Variants in CERS6 observed in about 807,000 individuals in gnomAD.
CERS6 encodes LAG1 homolog, ceramide synthase 6.
Under a neutral mutation model 56.8 loss-of-function variants are expected in CERS6, and 26 were observed. The ratio of observed to expected loss-of-function variants is 0.46; its 90% CI spans 0.34 to 0.63. The LOEUF (loss-of-function observed/expected upper bound fraction) is 0.63. CERS6 is among the 30% of genes least tolerant of loss of function. The probability of loss-of-function intolerance (pLI) is 0.01; values close to 1 mark genes in which losing one functional copy is unlikely to be tolerated. For synonymous variants in CERS6, 164 were observed against 173.3 expected (o/e 0.95, Z 0.42); for missense variants, 415 against 467.5 (o/e 0.89, Z 1.04).
At chr2:168,724,587 A>G (rs1170414897) in intron 8 of CERS6, among the ~76,000 whole-genome samples, 1 of 152,086 alleles carries the variant, frequency 6.6e-6, no homozygotes, top group Non-Finnish European at 1.5e-5. Context: ...AGCTAGATAC[A>G]GAGTGCCGAT....
chr2:168,733,678 G>C (rs1246870237), intron 8 of CERS6, among the ~76,000 whole-genome samples: 1 of 152,198 alleles, frequency 6.6e-6, no homozygotes, highest in Non-Finnish European at 1.5e-5. Flanking sequence ...ACAGGAGGAA[G>C]ACTGAATAGG....
intron 1 of CERS6, among the ~76,000 whole-genome samples, chr2:168,488,696 T>C (rs777411428): frequency 6.6e-6 from 1 of 152,150 alleles, no homozygotes; most frequent in Non-Finnish European, 1.5e-5. Flanking sequence ...CCATATTAGC[T>C]ATTTTGCTAT....
chr2:168,766,253 G>C, intron 9 of CERS6: 1 of 1,474,274 alleles, frequency 6.8e-7, no homozygotes, highest in Non-Finnish European at 9.4e-7. Context: ...GTAGAGCAGA[G>C]ACTTTTCCAG....
chr2:168,554,987 G>C (rs7598053), intron 2 of CERS6, among the ~76,000 whole-genome samples: 3,883 of 152,074 alleles, frequency 0.026, 132 homozygotes, highest in East Asian at 0.17. Context: ...AAGAAATTCT[G>C]ATTTACCTCT....
chr2:168,611,830 A>G (rs1347229971), intron 3 of CERS6, among the ~76,000 whole-genome samples: 2 of 152,224 alleles, frequency 1.3e-5, no homozygotes, highest in Non-Finnish European at 2.9e-5. Context: ...AGAGTCTCTC[A>G]TTTACGTGAC....
intron 4 of CERS6, among the ~76,000 whole-genome samples, chr2:168,652,269 G>A (rs1046699907): frequency 3.3e-5 from 5 of 152,004 alleles, no homozygotes; most frequent in Non-Finnish European, 5.9e-5. Flanking sequence ...GTTGACCTCC[G>A]GATTTTTGCC....
Position 168,547,650 on chromosome 2 carries a change from A to C in CERS6, c.225A>C (p.Gln75His). The change falls in exon 2 of 10, where the codon CAA becomes CAC. Residue 75 changes from glutamine (Q) to histidine (H), a missense_variant. Transcript: ENST00000305747. ...IALNIQANGP[Q>H]IAPPNAILEK... is the part of the protein sequence containing the mutation. ...TCAACATTCAGGCCAATGGACCACA[A>C]ATTGCTCCGCCCAATGCCATTCTGG... 1 of 1,614,074 alleles carries C rather than the reference A, an allele frequency of 6.2e-7. No individual in the cohort carries two copies. The highest frequency in any genetic ancestry group is 8.5e-7 in the Non-Finnish European group (1 of 1,179,904).
intron 1 of CERS6, among the ~76,000 whole-genome samples, chr2:168,529,106 C>T (rs1695121682): frequency 6.6e-6 from 1 of 152,224 alleles, no homozygotes; most frequent in East Asian, 1.9e-4. Flanking sequence ...CTGTCTCATT[C>T]AACTTTACCA....
intron 4 of CERS6, among the ~76,000 whole-genome samples, chr2:168,646,439 A>ATTG (rs1685205750): frequency 6.6e-6 from 1 of 151,924 alleles, no homozygotes; most frequent in Non-Finnish European, 1.5e-5. Context: ...TGCATATTAG[A>ATTG]CCTCTGTCAG....
intron 9 of CERS6, among the ~76,000 whole-genome samples, chr2:168,768,779 G>T (rs1559086962): frequency 6.6e-6 from 1 of 151,690 alleles, no homozygotes; most frequent in African/African-American, 2.4e-5. Context: ...GGTGGCTCAT[G>T]CCTGTAATCC....
At chr2:168,561,011 G>C (rs771791504) in intron 2 of CERS6, among the ~76,000 whole-genome samples, 181 bp from the exon 3 acceptor site, 1 of 152,080 alleles carries the variant, frequency 6.6e-6, no homozygotes, top group Non-Finnish European at 1.5e-5. Flanking sequence ...TGTCCTAGTG[G>C]TTATTTTTGT....
chr2:168,681,095 C>T (rs1468573158), intron 4 of CERS6, among the ~76,000 whole-genome samples: 8 of 152,124 alleles, frequency 5.3e-5, no homozygotes, highest in Non-Finnish European at 1.2e-4. Flanking sequence ...GAATGAGAAG[C>T]GTGCAGTAAT....
intron 8 of CERS6, among the ~76,000 whole-genome samples, chr2:168,728,086 G>A (rs1390350856): frequency 6.6e-6 from 1 of 152,194 alleles, no homozygotes; most frequent in African/African-American, 2.4e-5. Context: ...CTGTCTGTTT[G>A]TATCAGTAAA....
intron 1 of CERS6, among the ~76,000 whole-genome samples, chr2:168,517,868 A>G (rs1388954983): frequency 6.6e-6 from 1 of 152,224 alleles, no homozygotes; most frequent in African/African-American, 2.4e-5. Context: ...TATTCCTTTC[A>G]TATTTTATTT....
chr2:168,699,417 G>A (rs1054146468), intron 6 of CERS6, among the ~76,000 whole-genome samples: 6 of 152,146 alleles, frequency 3.9e-5, no homozygotes, highest in African/African-American at 1.4e-4. Context: ...AAATAACAAT[G>A]AGTGTCAATG....
chr2:168,751,713 T>C (rs1684273455), intron 8 of CERS6, among the ~76,000 whole-genome samples: 1 of 151,904 alleles, frequency 6.6e-6, no homozygotes, highest in Non-Finnish European at 1.5e-5. Flanking sequence ...CCCACCCCCA[T>C]TCCCAAATTT....
At chr2:168,561,571 A>G (rs184799207) in intron 3 of CERS6, among the ~76,000 whole-genome samples, 96 of 152,290 alleles carry the variant, frequency 6.3e-4, no homozygotes, top group Non-Finnish European at 1.1e-3. Context: ...AGGATCTACA[A>G]TGGTCTTTTT....
chr2:168,665,398 T>C (rs1685732893), intron 4 of CERS6, among the ~76,000 whole-genome samples: 1 of 152,176 alleles, frequency 6.6e-6, no homozygotes, highest in Non-Finnish European at 1.5e-5. Flanking sequence ...ATAATTGTAA[T>C]AAGAGGCTGC....
At chr2:168,757,555 A>G (rs959475114) in intron 8 of CERS6, among the ~76,000 whole-genome samples, 1 of 152,130 alleles carries the variant, frequency 6.6e-6, no homozygotes, top group Non-Finnish European at 1.5e-5. Context: ...TTATTTGTCC[A>G]TGTTCAAGTT....
Sources: gnomAD v4.1 joint callset for allele counts (sites outside exome capture counted in the v4.1 genomes callset) on GRCh38, gnomAD v4.1.1 for gene constraint, MANE v1.5 for transcripts, NCBI Gene and HGNC (gene_info 2026-07-23, HGNC 2026-07-21) for gene names.